The following PCDHA5 variants were observed in gnomAD, a reference collection of about 807,000 sequenced individuals.
PCDHA5 encodes the protein protocadherin alpha 5, also known as protocadherin alpha-5.
Under a neutral mutation model 61.6 loss-of-function variants are expected in PCDHA5, and 43 were observed. The observed-to-expected ratio is 0.70, with a 90% confidence interval of 0.55 to 0.90. The LOEUF is 0.90. Ranked by LOEUF, PCDHA5 falls within the 40% of genes least tolerant of loss-of-function variation. The pLI is 0.00. For missense variants in PCDHA5, 1,298 were observed against 1,222.7 expected (o/e 1.06, Z -0.92); for synonymous variants, 627 against 543.9 (o/e 1.15, Z -2.13).
At chr5:140,842,787 T>G (rs1554139371) in intron 1 of PCDHA5, 1 of 1,594,358 alleles carries the variant, frequency 6.3e-7, no homozygotes, top group African/African-American at 1.3e-5. Flanking sequence ...GAGAACGCGC[T>G]GGTGTCCTAC....
intron 1 of PCDHA5, chr5:140,928,901 T>A (rs781842258): frequency 6.2e-7 from 1 of 1,614,212 alleles, no homozygotes. Flanking sequence ...TTTGAAGATG[T>A]CTGGGAACCA....
At chr5:140,885,012 G>A (rs73793512) in intron 1 of PCDHA5, among the ~76,000 whole-genome samples, 2,131 of 152,234 alleles carry the variant, frequency 0.014, 45 homozygotes, top group African/African-American at 0.049. Flanking sequence ...GAGGCTAATC[G>A]TAATCTTAAA....
chr5:140,928,645 G>A (rs782494285), intron 1 of PCDHA5: 4 of 1,614,084 alleles, frequency 2.5e-6, no homozygotes, highest in Non-Finnish European at 2.5e-6. Context: ...AAAAGTGGTA[G>A]CAGAGGATGC....
chr5:140,860,055 A>G (rs1466399941), intron 1 of PCDHA5: 6 of 151,228 alleles, frequency 4.0e-5, no homozygotes, highest in African/African-American at 1.2e-4. Context: ...TTGAGAGGCC[A>G]AGGTGGGAGG....
At chr5:140,883,630 G>T (rs1424400219) in intron 1 of PCDHA5, 8 of 1,613,966 alleles carry the variant, frequency 5.0e-6, no homozygotes, top group Non-Finnish European at 6.8e-6. Context: ...ACGCGCCGGC[G>T]TTCGCGCAGC....
rs577931904 is a variant in PCDHA5 at position 140,968,275 on chromosome 5, G to A, written c.2353-10674G>A. On this transcript the variant is annotated intron_variant, in intron 1 of 3. Coordinates refer to ENST00000529859, the MANE Select transcript of PCDHA5 (RefSeq NM_018908.3). ...ACCCAGATGAAAAGGAGAATGCAGA[G>A]GTGACCTACTCCCTTCTGGAGAGGG... is the stretch of plus-strand genomic sequence containing the variant. The A allele has an allele frequency of 5.0e-6, 8 of 1,614,040 alleles. No individual in the cohort carries two copies. The African/African-American group carries it at 8.0e-5, about 16-fold the overall frequency.
intron 1 of PCDHA5, among the ~76,000 whole-genome samples, chr5:140,936,021 T>TA (rs2090725097): frequency 1.3e-5 from 2 of 151,374 alleles, no homozygotes; most frequent in African/African-American, 4.9e-5. Flanking sequence ...GCCTCCCGAG[T>TA]AGCGGGGATT....
chr5:140,990,621 G>A (rs75224471), intron 3 of PCDHA5, among the ~76,000 whole-genome samples: 1,861 of 152,288 alleles, frequency 0.012, 44 homozygotes, highest in African/African-American at 0.043. Context: ...GTAAAGGTCT[G>A]TGGTAAGACT....
chr5:140,846,269 G>T (rs1676658281), intron 1 of PCDHA5, among the ~76,000 whole-genome samples: 1 of 148,838 alleles, frequency 6.7e-6, no homozygotes, highest in Admixed American at 6.7e-5. Context: ...ATGATTTAAA[G>T]TCAATTTATG....
In PCDHA5 at chr5:140,839,562, G is replaced by A. The variant is rs150033615; in HGVS notation, c.2352+15435G>A. 3.5e-3 allele frequency among the ~76,000 whole-genome samples: 533 copies of A among 151,978 alleles called. 7 individuals carry two copies. The highest frequency in any genetic ancestry group is 0.012 in the African/African-American group (497 of 41,442). ...ACACCACCATGCCCAACTAATTTTT[G>A]TATTTTTTGTAGAGATGGGGTCTTA... On this transcript the variant is annotated intron_variant, in intron 1 of 3. Coordinates refer to ENST00000529859, the MANE Select transcript of PCDHA5 (RefSeq NM_018908.3).
chr5:140,940,164 AT>A (rs1407801775), intron 1 of PCDHA5, among the ~76,000 whole-genome samples: 1 of 152,170 alleles, frequency 6.6e-6, no homozygotes, highest in African/African-American at 2.4e-5. Flanking sequence ...TTTGCCTGAA[AT>A]GTCATTCTTG....
At chr5:140,882,864 C>G in intron 1 of PCDHA5, 2 of 1,614,200 alleles carry the variant, frequency 1.2e-6, no homozygotes, top group Non-Finnish European at 8.5e-7. Context: ...CTGAGGAAAA[C>G]ACTGGACAGA....
chr5:140,889,120 T>G (rs1335268200), intron 1 of PCDHA5, among the ~76,000 whole-genome samples: 1 of 151,966 alleles, frequency 6.6e-6, no homozygotes, highest in Non-Finnish European at 1.5e-5. Context: ...CAGGTGATAC[T>G]GATATGTCCT....
intron 1 of PCDHA5, chr5:140,858,421 G>A (rs782781172): frequency 1.3e-6 from 2 of 1,557,082 alleles, no homozygotes; most frequent in Non-Finnish European, 1.7e-6. Flanking sequence ...CTATTGGAGG[G>A]GACCACTCTA....
At position 141,010,147 on chromosome 5, in the gene PCDHA5, C is replaced by A; in HGVS notation, c.*210C>A. ...AAGTCTGGTGTTAACTCTTTCTCTC[C>A]ACTCTGGCTTGTTTTCAGAACCTAA... On this transcript the variant is annotated 3_prime_UTR_variant, in exon 4 of 4. Coordinates refer to ENST00000529859, the MANE Select transcript of PCDHA5 (RefSeq NM_018908.3). 1 of 1,583,190 alleles carries A rather than the reference C, an allele frequency of 6.3e-7. No individual in the cohort carries two copies. Among genetic ancestry groups the A allele is most frequent in the Non-Finnish European group, 8.6e-7 (1 of 1,163,606 alleles).
chr5:140,846,375 T>TC lies in PCDHA5; in HGVS notation c.2352+22248_2352+22249insC, dbSNP rs1272448180. Among the ~76,000 whole-genome samples, 317 of 125,476 alleles carry TC rather than the reference T, an allele frequency of 2.5e-3. 15 individuals carry two copies. The highest frequency in any genetic ancestry group is 0.01 in the African/African-American group (304 of 29,966). The allele number at this position is 125,476 out of a possible 152,430, so 82.3% of individuals were successfully genotyped here. A position where few individuals can be genotyped will look rare whatever the true frequency, so the allele number is the denominator to read the frequency against. On this transcript the variant is annotated intron_variant, in intron 1 of 3. Transcript: ENST00000529859. ...TTTTTCTTTTCTTTTCTTTCTTTCT[T>TC]TTTTTTTTTTTTTTTTTGAGACGGA...
chr5:140,977,872 T>A (rs1554238851), intron 1 of PCDHA5, among the ~76,000 whole-genome samples: 1 of 152,258 alleles, frequency 6.6e-6, no homozygotes, highest in African/African-American at 2.4e-5. Flanking sequence ...ATGGTAAGTA[T>A]AATGTAGAGG....
intron 1 of PCDHA5, chr5:140,877,832 C>T (rs782156769): frequency 1.9e-6 from 3 of 1,591,692 alleles, no homozygotes; most frequent in African/African-American, 2.7e-5. Flanking sequence ...TTAAATCCTC[C>T]CAGTGAAGTA....
intron 1 of PCDHA5, chr5:140,870,818 C>A: frequency 6.2e-7 from 1 of 1,613,692 alleles, no homozygotes; most frequent in Non-Finnish European, 8.5e-7. Context: ...GCTGGCAGCG[C>A]GGGAGGCGCA....
Sources: allele counts gnomAD v4.1 joint callset (sites outside exome capture counted in the v4.1 genomes callset), GRCh38; gene constraint gnomAD v4.1.1; transcripts MANE v1.5; gene names NCBI Gene and HGNC (gene_info 2026-07-23, HGNC 2026-07-21).